FRMD6: variants seen among roughly 807,000 people sequenced by gnomAD.
The protein encoded by FRMD6 is FERM domain-containing protein 6.
In FRMD6, 37 loss-of-function variants were observed where a neutral mutation model predicts 73.2. That is an observed-to-expected ratio of 0.51 (90% CI 0.39 to 0.66). FRMD6 has a LOEUF of 0.66. Ranked by LOEUF, FRMD6 falls within the 30% of genes least tolerant of loss-of-function variation. The pLI is 0.00. For missense variants in FRMD6, 714 were observed against 780.5 expected (o/e 0.91, Z 1.02); for synonymous variants, 273 against 282.2 (o/e 0.97, Z 0.33).
Position 51,704,827 on chromosome 14 carries a change from G to C in FRMD6, c.450G>C (p.Glu150Asp), listed in dbSNP as rs1245234733. 1.9e-6 allele frequency: 3 copies of C among 1,613,426 alleles called. No individual in the cohort carries two copies. In the Admixed American group the frequency reaches 5.0e-5, roughly 27 times the overall value. ...VLHSQCVLREEAYFLLAAFAL... is the reference protein window; with the variant it reads ...VLHSQCVLREDAYFLLAAFAL... ...ATTCTCAGTGTGTGCTCCGAGAGGA[G>C]GCCTACTTCCTGCTGGCAGCCTTTG... Residue 150 changes from glutamate to aspartate, a missense_variant, in exon 6 of 14, where the codon GAG becomes GAC. Glu to Asp is a conservative substitution (Grantham distance 45, BLOSUM62 2). Transcript: ENST00000344768.
At chr14:51,522,401 C>G (rs1439512568) in intron 1 of FRMD6, among the ~76,000 whole-genome samples, 1 of 152,064 alleles carries the variant, frequency 6.6e-6, no homozygotes, top group Admixed American at 6.5e-5. Context: ...AAATGATGGT[C>G]AATTTAAGCT....
intron 2 of FRMD6, among the ~76,000 whole-genome samples, chr14:51,636,167 C>A (rs1002054037): frequency 6.6e-6 from 1 of 152,192 alleles, no homozygotes; most frequent in African/African-American, 2.4e-5. Flanking sequence ...CCCCATTACT[C>A]CCCGGAGCCA....
At chr14:51,409,340 CTTTTT>C in the FRMD6 span, among the ~76,000 whole-genome samples, 10 of 84,136 alleles carry the variant, frequency 1.2e-4, no homozygotes, top group Admixed American at 4.4e-4. Flanking sequence ...AAGTTTTTTG[CTTTTT>C]TTTTTTTTTT....
At chr14:51,692,309 G>T (rs1895648483) in intron 2 of FRMD6, among the ~76,000 whole-genome samples, 1 of 152,112 alleles carries the variant, frequency 6.6e-6, no homozygotes, top group South Asian at 2.1e-4. Flanking sequence ...AGCAATATAA[G>T]TTATAATTGA....
chr14:51,469,703 A>T, the FRMD6 span, among the ~76,000 whole-genome samples: 2 of 151,692 alleles, frequency 1.3e-5, no homozygotes, highest in East Asian at 1.9e-4. Flanking sequence ...TTTTATTAAG[A>T]ATTTTTGTCT....
chr14:51,500,020 T>C (rs902091036), intron 1 of FRMD6, among the ~76,000 whole-genome samples: 2 of 152,188 alleles, frequency 1.3e-5, no homozygotes, highest in African/African-American at 4.8e-5. Context: ...ACACATAGTT[T>C]AGCTCCTGCT....
At chr14:51,396,462 G>A in the FRMD6 span, among the ~76,000 whole-genome samples, 1 of 152,164 alleles carries the variant, frequency 6.6e-6, no homozygotes, top group East Asian at 1.9e-4. Flanking sequence ...CGACCTGCAA[G>A]AGGTCTTGTA....
chr14:51,681,960 A>G (rs746564227), intron 1 of FRMD6, among the ~76,000 whole-genome samples: 79 of 152,240 alleles, frequency 5.2e-4, no homozygotes, highest in Admixed American at 3.1e-3. Context: ...GTACAATACA[A>G]TAAAAGCATA....
At chr14:51,460,593 A>C in the FRMD6 span, among the ~76,000 whole-genome samples, 1 of 152,244 alleles carries the variant, frequency 6.6e-6, no homozygotes, top group Non-Finnish European at 1.5e-5. Context: ...CTTTCTAAAA[A>C]ATCAGCAGAG....
At chr14:51,429,365 G>C in the FRMD6 span, among the ~76,000 whole-genome samples, 4 of 152,102 alleles carry the variant, frequency 2.6e-5, no homozygotes, top group African/African-American at 7.2e-5. Flanking sequence ...CTCTCCCCCA[G>C]GTGATTCTAA....
At chr14:51,402,071 G>T in the FRMD6 span, among the ~76,000 whole-genome samples, 3 of 152,182 alleles carry the variant, frequency 2.0e-5, no homozygotes, top group African/African-American at 7.2e-5. Flanking sequence ...ATTCAGTGGA[G>T]ACTAGATAAC....
At chr14:51,677,847 G>A (rs1316048401) in intron 1 of FRMD6, among the ~76,000 whole-genome samples, 1 of 152,046 alleles carries the variant, frequency 6.6e-6, no homozygotes, top group African/African-American at 2.4e-5. Context: ...CTCCAGTCAG[G>A]TAGAGATTCA....
At chr14:51,674,210 C>G (rs987271356) in intron 1 of FRMD6, among the ~76,000 whole-genome samples, 2 of 152,148 alleles carry the variant, frequency 1.3e-5, no homozygotes, top group Non-Finnish European at 2.9e-5. Flanking sequence ...AGAAAGCCCA[C>G]TATGAGGAGC....
chr14:51,700,393 T>C (rs1250255304), intron 3 of FRMD6, among the ~76,000 whole-genome samples: 2 of 152,070 alleles, frequency 1.3e-5, no homozygotes, highest in African/African-American at 4.8e-5. Context: ...CTTATGAGCA[T>C]CATCCCCTGG....
chr14:51,495,691 A>C (rs1883255034), intron 1 of FRMD6, among the ~76,000 whole-genome samples: 1 of 152,230 alleles, frequency 6.6e-6, no homozygotes, highest in South Asian at 2.1e-4. Context: ...GCCAGCTAAC[A>C]GCAGCAATTC....
At chr14:51,588,796 A>G (rs998651414) in intron 2 of FRMD6, among the ~76,000 whole-genome samples, 4 of 152,206 alleles carry the variant, frequency 2.6e-5, no homozygotes, top group African/African-American at 9.7e-5. Flanking sequence ...GACTCATGGG[A>G]AGGCCAGAGA....
chr14:51,721,571 C>T (rs1897568897), intron 11 of FRMD6, among the ~76,000 whole-genome samples: 1 of 146,128 alleles, frequency 6.8e-6, no homozygotes, highest in South Asian at 2.3e-4. Context: ...GATCACACCA[C>T]TCCAGCCTGG....
the FRMD6 span, among the ~76,000 whole-genome samples, chr14:51,445,469 G>A: frequency 1.4e-5 from 1 of 69,940 alleles, no homozygotes; most frequent in Non-Finnish European, 2.7e-5. Context: ...TGAAACAGAA[G>A]TGCAATTTTT....
At chr14:51,711,497 A>G in intron 7 of FRMD6, 34 bp from the exon 8 acceptor site, 1 of 1,416,666 alleles carries the variant, frequency 7.1e-7, no homozygotes, top group Non-Finnish European at 9.8e-7. Context: ...ATATATAAAA[A>G]CATTTAATTT....
Sources: allele counts gnomAD v4.1 joint callset (sites outside exome capture counted in the v4.1 genomes callset), GRCh38; gene constraint gnomAD v4.1.1; transcripts MANE v1.5; gene names NCBI Gene and HGNC (gene_info 2026-07-23, HGNC 2026-07-21).